AFG2A: variants seen among roughly 807,000 people sequenced by gnomAD.
AFG2A encodes the protein AAA ATPase AFG2A.
At chr4:123,299,607 T>C in the AFG2A span, among the ~76,000 whole-genome samples, 1 of 152,182 alleles carries the variant, frequency 6.6e-6, no homozygotes, top group Non-Finnish European at 1.5e-5. Context: ...CTCTGAAAAA[T>C]TTCTGCTCAG....
the AFG2A span, among the ~76,000 whole-genome samples, chr4:123,222,523 AGTTAT>A: frequency 8.5e-5 from 13 of 152,196 alleles, no homozygotes; most frequent in African/African-American, 3.1e-4. Flanking sequence ...AAATTTTTTT[AGTTAT>A]GTTATGGTAA....
At chr4:122,929,109 A>T in the AFG2A span, 2 of 1,613,732 alleles carry the variant, frequency 1.2e-6, no homozygotes, top group Non-Finnish European at 1.7e-6. Flanking sequence ...GGCACAGAAA[A>T]ATGTGGGTGT....
At chr4:123,039,714 G>A in the AFG2A span, among the ~76,000 whole-genome samples, 4 of 151,822 alleles carry the variant, frequency 2.6e-5, no homozygotes, top group South Asian at 2.1e-4. Flanking sequence ...GCAAGTATAG[G>A]GCTGTAGTAT....
chr4:123,036,111 A>G, the AFG2A span, among the ~76,000 whole-genome samples: 2 of 152,196 alleles, frequency 1.3e-5, no homozygotes, highest in Non-Finnish European at 2.9e-5. Flanking sequence ...TAGCAAAAAT[A>G]ACACCTTCTG....
At chr4:123,088,324 G>A in the AFG2A span, among the ~76,000 whole-genome samples, 10 of 152,114 alleles carry the variant, frequency 6.6e-5, no homozygotes, top group East Asian at 7.7e-4. Context: ...ACCTTCCTGA[G>A]TTTTTTCTGG....
chr4:123,053,470 G>A, the AFG2A span, among the ~76,000 whole-genome samples: 3 of 152,206 alleles, frequency 2.0e-5, 1 homozygote, highest in Admixed American at 6.5e-5. Context: ...ACTGGGCTGC[G>A]TTGGGATCTG....
At chr4:123,160,153 T>C in the AFG2A span, among the ~76,000 whole-genome samples, 1 of 152,092 alleles carries the variant, frequency 6.6e-6, no homozygotes, top group Non-Finnish European at 1.5e-5. Context: ...TTACACTTAA[T>C]AGTAAAGAAG....
chr4:123,148,207 A>G, the AFG2A span, among the ~76,000 whole-genome samples: 1 of 152,242 alleles, frequency 6.6e-6, no homozygotes, highest in Non-Finnish European at 1.5e-5. Flanking sequence ...ACATGGGTAC[A>G]TGTGAGAAGG....
At chr4:123,222,321 GA>G in the AFG2A span, among the ~76,000 whole-genome samples, 1 of 152,088 alleles carries the variant, frequency 6.6e-6, no homozygotes. Flanking sequence ...AAAACTCTGG[GA>G]TAGATGTTTC....
At chr4:123,014,606 T>G in the AFG2A span, among the ~76,000 whole-genome samples, 1 of 152,236 alleles carries the variant, frequency 6.6e-6, no homozygotes, top group African/African-American at 2.4e-5. Context: ...AATGTAATTA[T>G]ATTTTAGAAA....
the AFG2A span, among the ~76,000 whole-genome samples, chr4:122,949,384 T>G: frequency 6.6e-6 from 1 of 152,134 alleles, no homozygotes; most frequent in Non-Finnish European, 1.5e-5. Flanking sequence ...GGTGCTGTTG[T>G]CGCTGAAGGG....
chr4:123,056,091 C>T, the AFG2A span, among the ~76,000 whole-genome samples: 1 of 152,084 alleles, frequency 6.6e-6, no homozygotes, highest in African/African-American at 2.4e-5. Context: ...GTGCCTAGCA[C>T]CACATCTGAT....
the AFG2A span, among the ~76,000 whole-genome samples, chr4:123,204,211 T>C: frequency 6.6e-6 from 1 of 152,238 alleles, no homozygotes; most frequent in Non-Finnish European, 1.5e-5. Context: ...ATTTTCAGGT[T>C]CCAGGGGTTA....
At chr4:122,997,768 C>G in the AFG2A span, among the ~76,000 whole-genome samples, 126,511 of 152,162 alleles carry the variant, frequency 0.83, 53,742 homozygotes, top group East Asian at 0.96. Flanking sequence ...GTAATATATA[C>G]AGAGTTCCCA....
the AFG2A span, among the ~76,000 whole-genome samples, chr4:123,147,716 T>C: frequency 6.6e-6 from 1 of 152,162 alleles, no homozygotes; most frequent in African/African-American, 2.4e-5. Context: ...ACAATGTCTA[T>C]AAAAATTCAC....
the AFG2A span, among the ~76,000 whole-genome samples, chr4:123,293,980 T>TA: frequency 2.6e-5 from 4 of 152,188 alleles, no homozygotes; most frequent in African/African-American, 7.2e-5. Flanking sequence ...AACACTCCAT[T>TA]TGGGCTATGA....
chr4:122,977,050 C>T, the AFG2A span, among the ~76,000 whole-genome samples: 1 of 152,204 alleles, frequency 6.6e-6, no homozygotes, highest in East Asian at 1.9e-4. Context: ...CTCATCCCCT[C>T]CCCTACAAGG....
the AFG2A span, among the ~76,000 whole-genome samples, chr4:123,042,074 A>T: frequency 6.6e-6 from 1 of 152,168 alleles, no homozygotes; most frequent in Non-Finnish European, 1.5e-5. Context: ...CCTGATTCTC[A>T]TATCTTCTAA....
the AFG2A span, among the ~76,000 whole-genome samples, chr4:123,246,050 C>G: frequency 1.3e-5 from 2 of 152,136 alleles, no homozygotes; most frequent in Non-Finnish European, 2.9e-5. Flanking sequence ...AGCATGTCCA[C>G]CAGTTGAAAA....
Sources: allele counts gnomAD v4.1 joint callset (sites outside exome capture counted in the v4.1 genomes callset), GRCh38; gene constraint gnomAD v4.1.1; transcripts MANE v1.5; gene names NCBI Gene and HGNC (gene_info 2026-07-23, HGNC 2026-07-21).